QRICH1: variants seen among roughly 807,000 people sequenced by gnomAD.
The protein encoded by QRICH1 is transcriptional regulator QRICH1.
In QRICH1, 16 loss-of-function variants were observed where a neutral mutation model predicts 87.1. The ratio of observed to expected loss-of-function variants is 0.18; its 90% CI spans 0.12 to 0.28. The LOEUF is 0.28. QRICH1 is among the 10% of genes least tolerant of loss of function. The pLI is 1.00. For missense variants in QRICH1, 647 were observed against 951.7 expected (o/e 0.68, Z 4.21); for synonymous variants, 367 against 368.4 (o/e 1.00, Z 0.05).
intron 6 of QRICH1, among the ~76,000 whole-genome samples, chr3:49,039,618 C>CAAAAAAAAAAAAA: frequency 6.1e-5 from 1 of 16,352 alleles, no homozygotes; most frequent in Non-Finnish European, 1.3e-4. Context: ...GACTCCATCT[C>CAAAAAAAAAAAAA]AAAAAAAAAA....
chr3:49,056,100 C>T (rs896515371), intron 3 of QRICH1, among the ~76,000 whole-genome samples: 7 of 152,034 alleles, frequency 4.6e-5, no homozygotes, highest in Admixed American at 1.3e-4. Flanking sequence ...CTCAGCCTCC[C>T]GAGTAGCTGG....
At chr3:49,037,097 G>T (rs1302754944) in intron 6 of QRICH1, among the ~76,000 whole-genome samples, 2 of 130,996 alleles carry the variant, frequency 1.5e-5, no homozygotes, top group African/African-American at 5.5e-5. Context: ...AAAAAAAAAG[G>T]AAAGTTTATC....
At chr3:49,061,192 A>G (rs1310913114) in intron 2 of QRICH1, among the ~76,000 whole-genome samples, 1 of 150,664 alleles carries the variant, frequency 6.6e-6, no homozygotes, top group Non-Finnish European at 1.5e-5. Flanking sequence ...ATGTGAGGTG[A>G]AACAGTTTCA....
chr3:49,045,593 G>C (rs1463601369), intron 5 of QRICH1, among the ~76,000 whole-genome samples: 2 of 151,826 alleles, frequency 1.3e-5, no homozygotes, highest in East Asian at 3.9e-4. Context: ...ACCACACCCA[G>C]CTAATTTTTT....
chr3:49,034,951 C>T (rs990983775), intron 6 of QRICH1, among the ~76,000 whole-genome samples: 3 of 152,226 alleles, frequency 2.0e-5, no homozygotes, highest in Admixed American at 6.5e-5. Flanking sequence ...CTGCCCGATA[C>T]ACTCCTCTTC....
intron 7 of QRICH1, 29 bp from the exon 8 acceptor site, chr3:49,032,802 G>C (rs753985840): frequency 1.6e-5 from 26 of 1,594,326 alleles, no homozygotes; most frequent in Non-Finnish European, 2.1e-5. Flanking sequence ...GCAAGGCAGA[G>C]GGAGGGGTGC....
intron 3 of QRICH1, among the ~76,000 whole-genome samples, chr3:49,051,795 G>C (rs552655849): frequency 6.6e-6 from 1 of 152,106 alleles, no homozygotes; most frequent in Non-Finnish European, 1.5e-5. Context: ...GTAGGCAGTG[G>C]CTAGAGCATG....
At chr3:49,074,730 G>A (rs891643235) in intron 2 of QRICH1, among the ~76,000 whole-genome samples, 1 of 151,980 alleles carries the variant, frequency 6.6e-6, no homozygotes, top group East Asian at 1.9e-4. Flanking sequence ...TGTAATCCCA[G>A]CACTTTGGGA....
At chr3:49,058,848 G>A (rs1474126398) in intron 2 of QRICH1, among the ~76,000 whole-genome samples, 2 of 151,936 alleles carry the variant, frequency 1.3e-5, no homozygotes, top group African/African-American at 2.4e-5. Flanking sequence ...GGCTGGTCTC[G>A]AACTCCCGAC....
chr3:49,076,850 T>C lies in QRICH1; in HGVS notation c.168A>G (p.Gln56=), dbSNP rs1242369981. The change falls in exon 2 of 10, where the codon CAA becomes CAG. Residue 56 remains glutamine, a synonymous_variant. Coordinates refer to ENST00000395443, the MANE Select transcript of QRICH1 (RefSeq NM_198880.3). ...QQTATTTMVY[Q]QGGNCIYTDS... is the part of the protein sequence containing the mutation. Reference sequence around the variant, plus strand: ...CTGTGTATATGCAGTTCCCACCCTGTTGGTACACCATGGTAGTGGTGGCTG... The same window carrying C: ...CTGTGTATATGCAGTTCCCACCCTGCTGGTACACCATGGTAGTGGTGGCTG... The C allele has an allele frequency of 8.1e-6, 13 of 1,614,012 alleles. No individual in the cohort carries two copies. The highest frequency in any genetic ancestry group is 5.0e-5 in the Admixed American group (3 of 59,974).
Position 49,030,338 on chromosome 3 carries a change from C to CT in QRICH1, c.*113dup. 2 of 1,017,878 alleles carry CT rather than the reference C, an allele frequency of 2.0e-6. No individual in the cohort carries two copies. The highest frequency in any genetic ancestry group is 2.8e-6 in the Non-Finnish European group (2 of 713,078). The allele number at this position is 1,017,878 out of a possible 1,614,324, so 63.1% of individuals were successfully genotyped here. A position where few individuals can be genotyped will look rare whatever the true frequency, so the allele number is the denominator to read the frequency against. The stretch of plus-strand genomic sequence containing the variant: ...TTTTAAACAGAAGCAGCCTGAAAGG[C>CT]TTCGTAACTACACCAATAAAAAAAA... On this transcript the variant is annotated 3_prime_UTR_variant, in exon 10 of 10. Transcript: ENST00000395443.
intron 3 of QRICH1, among the ~76,000 whole-genome samples, chr3:49,050,280 G>A (rs1247608314): frequency 1.3e-4 from 16 of 126,944 alleles, no homozygotes; most frequent in African/African-American, 3.9e-4. Flanking sequence ...AAAATTAGCC[G>A]GGTGTGGTAG....
chr3:49,034,009 C>T (rs2093258926), intron 6 of QRICH1, among the ~76,000 whole-genome samples: 1 of 149,754 alleles, frequency 6.7e-6, no homozygotes, highest in African/African-American at 2.5e-5. Context: ...AACAAAAAAA[C>T]AAAAAAAACA....
chr3:49,057,053 G>T lies in QRICH1; in HGVS notation c.1147C>A (p.Leu383Ile), dbSNP rs771279488. Residue 383 changes from leucine to isoleucine, a missense_variant, in exon 3 of 10, where the codon CTC (leucine) becomes ATC (isoleucine). Coordinates refer to ENST00000395443, the MANE Select transcript of QRICH1 (RefSeq NM_198880.3). This position sits in a 1 kb window ranked among gnomAD's most constrained non-coding sequence, Gnocchi z 5.4. Reference protein sequence around the residue: ...EEVVQTLANSLFPAQFMNGNI... With the variant: ...EEVVQTLANSIFPAQFMNGNI... ...CCATTCATGAACTGTGCTGGAAAGA[G>T]AGAGTTTGCAAGGGTCTGCACTACC... 1.2e-6 allele frequency: 2 copies of T among 1,614,230 alleles called. No individual in the cohort carries two copies. Among genetic ancestry groups the T allele is most frequent in the Admixed American group, 1.7e-5 (1 of 60,016 alleles).
At chr3:49,032,796 G>T in intron 7 of QRICH1, 23 bp from the exon 8 acceptor site, 1 of 1,596,252 alleles carries the variant, frequency 6.3e-7, no homozygotes, top group Non-Finnish European at 8.5e-7. Context: ...TAAAATGCAA[G>T]GCAGAGGGAG....
chr3:49,075,468 TA>T (rs1230684492), intron 2 of QRICH1, among the ~76,000 whole-genome samples: 1 of 151,672 alleles, frequency 6.6e-6, no homozygotes, highest in African/African-American at 2.4e-5. Context: ...CAGTCTCTAC[TA>T]AAAATACAAA....
intron 6 of QRICH1, among the ~76,000 whole-genome samples, chr3:49,041,977 T>C (rs1468619612): frequency 6.6e-6 from 1 of 151,760 alleles, no homozygotes; most frequent in Admixed American, 6.6e-5. Flanking sequence ...TTTTATGTGT[T>C]GGCCAGGCTG....
rs1160380092 is a variant in QRICH1 at position 49,085,015 on chromosome 3, C to T, written c.-21-7977G>A. Among the ~76,000 whole-genome samples the T allele has an allele frequency of 3.4e-5, 5 of 149,120 alleles. No individual in the cohort carries two copies. The Admixed American group carries it at 3.4e-4, about 10-fold the overall frequency. ...AAAATTAGCCGGGTGTGGTGTTGGG[C>T]GCCTGTAGTCCCAGCTACTCGGGAG... On this transcript the variant is annotated intron_variant, in intron 1 of 9. Transcript: ENST00000395443.
At chr3:49,062,417 G>T (rs1275739138) in intron 2 of QRICH1, among the ~76,000 whole-genome samples, 1 of 144,682 alleles carries the variant, frequency 6.9e-6, no homozygotes, top group East Asian at 2.1e-4. Flanking sequence ...CTGTTGCCCA[G>T]TGGTGGAATC....
Sources: allele counts gnomAD v4.1 joint callset (sites outside exome capture counted in the v4.1 genomes callset), GRCh38; gene constraint gnomAD v4.1.1; non-coding constraint Gnocchi (gnomAD v3.1); transcripts MANE v1.5; gene names NCBI Gene and HGNC (gene_info 2026-07-23, HGNC 2026-07-21).